USP10: variants seen among roughly 807,000 people sequenced by gnomAD.
USP10 encodes ubiquitin specific peptidase 10, also known as ubiquitin carboxyl-terminal hydrolase 10.
Under a neutral mutation model 84.5 loss-of-function variants are expected in USP10, and 22 were observed. The observed-to-expected ratio is 0.26, with a 90% CI of 0.19 to 0.37. The LOEUF is 0.37. Ranked by LOEUF, USP10 falls within the 10% of genes least tolerant of loss-of-function variation. USP10 has a pLI of 1.00. For missense variants in USP10, 1,019 were observed against 998.9 expected, an observed-to-expected ratio of 1.02 and a Z score of -0.27; for synonymous variants, 454 against 387.6, an observed-to-expected ratio of 1.17 and a Z score of -2.01.
At chr16:84,766,810 A>C (rs1378626042) in intron 10 of USP10, among the ~76,000 whole-genome samples, 3 of 152,190 alleles carry the variant, frequency 2.0e-5, no homozygotes, top group African/African-American at 7.2e-5. Flanking sequence ...TAAAGCAAAG[A>C]TAGGGAATTC....
chr16:84,702,954 C>G (rs1479541990), intron 1 of USP10, among the ~76,000 whole-genome samples: 2 of 138,848 alleles, frequency 1.4e-5, no homozygotes, highest in Non-Finnish European at 3.0e-5. Flanking sequence ...GATCATGCCA[C>G]TGCACTCCAG....
chr16:84,764,034 T>G, intron 9 of USP10, 52 bp from the exon 10 acceptor site: 2 of 1,533,474 alleles, frequency 1.3e-6, no homozygotes, highest in Non-Finnish European at 1.7e-6. Flanking sequence ...CCTTTTTTTT[T>G]TTTGCTGTTC....
At chr16:84,715,150 G>T (rs768331697) in intron 1 of USP10, among the ~76,000 whole-genome samples, 1 of 151,916 alleles carries the variant, frequency 6.6e-6, no homozygotes, top group African/African-American at 2.4e-5. Flanking sequence ...GTCTGGTCTC[G>T]ACCTCCTGAC....
At chr16:84,734,962 T>A (rs1246572596) in intron 2 of USP10, among the ~76,000 whole-genome samples, 1 of 152,258 alleles carries the variant, frequency 6.6e-6, no homozygotes, top group Non-Finnish European at 1.5e-5. Flanking sequence ...TGTGCTATTC[T>A]GTGGGCCTAT....
chr16:84,755,891 A>G (rs1912477727), intron 4 of USP10, among the ~76,000 whole-genome samples: 1 of 151,966 alleles, frequency 6.6e-6, no homozygotes, highest in Non-Finnish European at 1.5e-5. Flanking sequence ...CATCTCTAAA[A>G]CTGAGCTCAT....
At chr16:84,747,301 C>T (rs11149680) in intron 4 of USP10, among the ~76,000 whole-genome samples, 38,491 of 152,070 alleles carry the variant, frequency 0.25, 4,905 homozygotes, top group African/African-American at 0.31. Context: ...CCTTCATTAC[C>T]AGGATGTAGC....
At chr16:84,713,487 G>T (rs912826462) in intron 1 of USP10, among the ~76,000 whole-genome samples, 1 of 152,084 alleles carries the variant, frequency 6.6e-6, no homozygotes, top group Admixed American at 6.5e-5. Flanking sequence ...TGTGTGTCTG[G>T]TTCACTCTCT....
chr16:84,731,270 C>T (rs1567608785), intron 1 of USP10, among the ~76,000 whole-genome samples: 1 of 151,460 alleles, frequency 6.6e-6, no homozygotes, highest in Non-Finnish European at 1.5e-5. Context: ...TGAGCCACCG[C>T]TCCCGGCCTC....
In USP10 at chr16:84,700,066, C is replaced by T. The variant is rs1207254230; in HGVS notation, c.-25C>T. The T allele has an allele frequency of 1.5e-6, 2 of 1,371,226 alleles. No homozygotes were observed. The highest frequency in any genetic ancestry group is 1.5e-5 in the African/African-American group (1 of 64,982). 84.9% of individuals were successfully genotyped at this position (1,371,226 alleles called of 1,614,324 possible). A position where few individuals can be genotyped will look rare whatever the true frequency, so the allele number is the denominator to read the frequency against. ...AGCAGCGTGAGCAGCCGGAGGATCG[C>T]GGAGTCCCAATGAAACGGGCAGCCA... On this transcript the variant is annotated 5_prime_UTR_variant, in exon 1 of 14. Coordinates refer to ENST00000219473, the MANE Select transcript of USP10 (RefSeq NM_005153.3).
At chr16:84,753,309 A>G (rs1912149507) in intron 4 of USP10, among the ~76,000 whole-genome samples, 2 of 152,190 alleles carry the variant, frequency 1.3e-5, no homozygotes, top group African/African-American at 2.4e-5. Context: ...AAACTTGTCA[A>G]GATTTTAAGG....
chr16:84,732,357 G>C, intron 1 of USP10: 1 of 360,488 alleles, frequency 2.8e-6, no homozygotes, highest in Non-Finnish European at 5.3e-6. Context: ...GGCATTTGTA[G>C]GTTCTAAATA....
intron 1 of USP10, among the ~76,000 whole-genome samples, chr16:84,729,760 AGTT>A (rs1426903401): frequency 6.6e-6 from 1 of 152,148 alleles, no homozygotes; most frequent in Non-Finnish European, 1.5e-5. Flanking sequence ...ATTTTGATGG[AGTT>A]GTTTTTTGAG....
At chr16:84,767,815 G>T (rs1043200784) in intron 10 of USP10, among the ~76,000 whole-genome samples, 2 of 151,458 alleles carry the variant, frequency 1.3e-5, no homozygotes, top group Non-Finnish European at 2.9e-5. Context: ...ATTCTTGGGT[G>T]TTTCTCACAG....
chr16:84,760,143 G>A lies in USP10; in HGVS notation c.1451-29G>A, dbSNP rs2288017. 4 of 1,581,968 alleles carry A rather than the reference G, an allele frequency of 2.5e-6. No individual in the cohort carries two copies. The Admixed American group carries it at 7.3e-5, about 29-fold the overall frequency. ...ATCATTTATGAGTTCATTGTAGTTA[G>A]GAAAACCTGTGTCCTCTTTCCATTG... On this transcript the variant is annotated intron_variant, in intron 7 of 13. Coordinates refer to ENST00000219473, the MANE Select transcript of USP10 (RefSeq NM_005153.3).
At chr16:84,721,356 T>C (rs1032044847) in intron 1 of USP10, among the ~76,000 whole-genome samples, 1 of 152,222 alleles carries the variant, frequency 6.6e-6, no homozygotes, top group Non-Finnish European at 1.5e-5. Flanking sequence ...TGAGGAATTA[T>C]TCTTCTGTAA....
intron 1 of USP10, among the ~76,000 whole-genome samples, chr16:84,700,732 T>G (rs1904756478): frequency 6.6e-6 from 1 of 152,088 alleles, no homozygotes; most frequent in South Asian, 2.1e-4. Flanking sequence ...TGCGTTTGAG[T>G]GACATCCCTT....
intron 4 of USP10, among the ~76,000 whole-genome samples, chr16:84,752,652 C>T (rs1307716641): frequency 6.6e-6 from 1 of 152,194 alleles, no homozygotes; most frequent in Non-Finnish European, 1.5e-5. Flanking sequence ...TGCATGATAA[C>T]AATAGGATTC....
At chr16:84,716,218 C>G (rs1263678726) in intron 1 of USP10, 3 of 152,274 alleles carry the variant, frequency 2.0e-5, no homozygotes, top group Non-Finnish European at 2.9e-5. Context: ...TCCTGGACTC[C>G]TCAGACTGGA....
chr16:84,753,034 A>G (rs376156186), intron 4 of USP10, among the ~76,000 whole-genome samples: 30 of 152,188 alleles, frequency 2.0e-4, no homozygotes, highest in African/African-American at 7.2e-4. Flanking sequence ...TGGCATGATC[A>G]TAGCTCACTG....
Sources: gnomAD v4.1 joint callset for allele counts (sites outside exome capture counted in the v4.1 genomes callset) on GRCh38, gnomAD v4.1.1 for gene constraint, MANE v1.5 for transcripts, NCBI Gene and HGNC (gene_info 2026-07-23, HGNC 2026-07-21) for gene names.